RABGAP1L: variants seen among roughly 807,000 people sequenced by gnomAD.
RABGAP1L encodes the protein RAB GTPase activating protein 1 like, also known as rab GTPase-activating protein 1-like.
Under a neutral mutation model 137.7 loss-of-function variants are expected in RABGAP1L, and 63 were observed. The ratio of observed to expected loss-of-function variants is 0.46; its 90% CI spans 0.37 to 0.56. The LOEUF (loss-of-function observed/expected upper bound fraction) is 0.56. Among genes scored for constraint, RABGAP1L ranks in the 20% least tolerant of loss-of-function variants. The pLI, the probability that RABGAP1L is intolerant of heterozygous loss-of-function variation, is 0.00. For synonymous variants in RABGAP1L, 431 were observed against 433.7 expected (o/e 0.99, Z 0.08); for missense variants, 1,095 against 1,244.0 (o/e 0.88, Z 1.80).
At chr1:174,787,208 G>T (rs920924609) in intron 18 of RABGAP1L, among the ~76,000 whole-genome samples, 12 of 152,072 alleles carry the variant, frequency 7.9e-5, no homozygotes, top group African/African-American at 2.4e-4. Context: ...TTCCAGACCA[G>T]CCTGGCCAAC....
intron 13 of RABGAP1L, among the ~76,000 whole-genome samples, chr1:174,513,663 A>G (rs917817304): frequency 4.3e-4 from 65 of 152,148 alleles, no homozygotes; most frequent in Non-Finnish European, 3.2e-4. Flanking sequence ...GTCATTTGCC[A>G]CTTTTCTAGA....
intron 4 of RABGAP1L, among the ~76,000 whole-genome samples, chr1:174,238,087 T>C (rs1017170249): frequency 1.3e-5 from 2 of 152,190 alleles, no homozygotes; most frequent in Non-Finnish European, 2.9e-5. Flanking sequence ...TCTGCATTAT[T>C]CACGTAGTTC....
intron 13 of RABGAP1L, among the ~76,000 whole-genome samples, chr1:174,534,318 C>T (rs1176851432): frequency 3.9e-5 from 6 of 151,980 alleles, no homozygotes; most frequent in Non-Finnish European, 7.4e-5. Flanking sequence ...GCAGTAATCC[C>T]CCTGCCGTTA....
intron 19 of RABGAP1L, among the ~76,000 whole-genome samples, chr1:174,890,997 G>T (rs1481893147): frequency 1.3e-5 from 2 of 152,132 alleles, no homozygotes; most frequent in East Asian, 3.8e-4. Flanking sequence ...AAATTCCTAG[G>T]AGTGGAACTG....
At chr1:174,732,129 G>T (rs1682524689) in intron 17 of RABGAP1L, among the ~76,000 whole-genome samples, 1 of 152,068 alleles carries the variant, frequency 6.6e-6, no homozygotes, top group African/African-American at 2.4e-5. Flanking sequence ...GACCTGGAAG[G>T]TGGAGGTTGC....
chr1:174,873,316 G>T (rs1486544894), intron 19 of RABGAP1L, among the ~76,000 whole-genome samples: 2 of 151,024 alleles, frequency 1.3e-5, no homozygotes, highest in Non-Finnish European at 3.0e-5. Context: ...TGATCCACCC[G>T]CCTCGGCCTC....
At chr1:174,325,541 C>T (rs968040506) in intron 11 of RABGAP1L, among the ~76,000 whole-genome samples, 1 of 152,192 alleles carries the variant, frequency 6.6e-6, no homozygotes, top group Non-Finnish European at 1.5e-5. Flanking sequence ...TATTGGTTCT[C>T]TGTGACTAAG....
chr1:174,937,872 T>C (rs1176291746), intron 19 of RABGAP1L, among the ~76,000 whole-genome samples: 2 of 148,792 alleles, frequency 1.3e-5, no homozygotes, highest in East Asian at 4.1e-4. Flanking sequence ...AATTTTTTTT[T>C]CTTTCTTTTT....
chr1:174,189,774 G>C (rs1667075468), intron 1 of RABGAP1L, among the ~76,000 whole-genome samples: 1 of 152,156 alleles, frequency 6.6e-6, no homozygotes, highest in South Asian at 2.1e-4. Flanking sequence ...TTTGAGACCA[G>C]TCTGGGCAAC....
chr1:174,372,794 A>G (rs187058293), intron 12 of RABGAP1L, among the ~76,000 whole-genome samples: 19 of 152,174 alleles, frequency 1.2e-4, no homozygotes, highest in Middle Eastern at 3.4e-3. Flanking sequence ...TTAGAGATTT[A>G]TTTTCTTTAC....
chr1:174,741,183 A>AT (rs1293513031), intron 17 of RABGAP1L, among the ~76,000 whole-genome samples: 3 of 150,746 alleles, frequency 2.0e-5, no homozygotes, highest in Admixed American at 6.6e-5. Context: ...GGTTCCCTAG[A>AT]TTTTTTCTTC....
At chr1:174,176,211 TTTATA>T (rs1307807638) in intron 1 of RABGAP1L, among the ~76,000 whole-genome samples, 3 of 152,230 alleles carry the variant, frequency 2.0e-5, no homozygotes, top group African/African-American at 7.2e-5. Context: ...AGTTGGTAGT[TTTATA>T]TTAATGGTTA....
chr1:174,273,919 C>G (rs1371640495), intron 8 of RABGAP1L, among the ~76,000 whole-genome samples: 3 of 152,094 alleles, frequency 2.0e-5, no homozygotes, highest in South Asian at 2.1e-4. Flanking sequence ...GGCTTACTTG[C>G]AACAAATAGT....
intron 19 of RABGAP1L, among the ~76,000 whole-genome samples, chr1:174,914,854 CT>C (rs1452287658): frequency 2.6e-5 from 4 of 152,150 alleles, no homozygotes; most frequent in East Asian, 1.9e-4. Context: ...CCATTCACCC[CT>C]AATCTGCTTT....
At chr1:174,921,525 A>G (rs1661809031) in intron 19 of RABGAP1L, among the ~76,000 whole-genome samples, 1 of 152,250 alleles carries the variant, frequency 6.6e-6, no homozygotes, top group South Asian at 2.1e-4. Flanking sequence ...GGATAAAATT[A>G]GAGTTCTTCC....
chr1:174,419,807 A>G (rs1339915388), intron 13 of RABGAP1L, among the ~76,000 whole-genome samples: 2 of 152,242 alleles, frequency 1.3e-5, no homozygotes, highest in East Asian at 1.9e-4. Context: ...AAGTAGGAAG[A>G]AAAGTCAGAG....
At chr1:174,203,374 T>A (rs1668273530) in intron 1 of RABGAP1L, among the ~76,000 whole-genome samples, 1 of 152,184 alleles carries the variant, frequency 6.6e-6, no homozygotes, top group Non-Finnish European at 1.5e-5. Context: ...GGGAGTCTTT[T>A]CCCCATTGTT....
At chr1:174,466,680 A>C (rs1201742414) in intron 13 of RABGAP1L, among the ~76,000 whole-genome samples, 1 of 152,036 alleles carries the variant, frequency 6.6e-6, no homozygotes, top group Non-Finnish European at 1.5e-5. Flanking sequence ...CCAGCTACTC[A>C]GGAGGCTGAG....
intron 7 of RABGAP1L, among the ~76,000 whole-genome samples, chr1:174,260,048 TG>T (rs1673457438): frequency 6.6e-6 from 1 of 152,132 alleles, no homozygotes; most frequent in Non-Finnish European, 1.5e-5. Context: ...TTGGTCAGGC[TG>T]GTCTTGAACT....
Sources: gnomAD v4.1 joint callset for allele counts (sites outside exome capture counted in the v4.1 genomes callset) on GRCh38, gnomAD v4.1.1 for gene constraint, MANE v1.5 for transcripts, NCBI Gene and HGNC (gene_info 2026-07-23, HGNC 2026-07-21) for gene names.